Variants in SNX29 observed in about 807,000 individuals in gnomAD.
SNX29 encodes sorting nexin-29.
A neutral mutation model predicts 102.1 loss-of-function variants in SNX29; 78 were observed. That is an observed-to-expected ratio of 0.76 (90% CI 0.64 to 0.92). The LOEUF (loss-of-function observed/expected upper bound fraction) is 0.92. SNX29 is among the 40% of genes least tolerant of loss of function. The pLI, the probability that SNX29 is intolerant of heterozygous loss-of-function variation, is 0.00. For missense variants in SNX29, 1,280 were observed against 1,061.7 expected, an observed-to-expected ratio of 1.21 and a Z score of -2.86; for synonymous variants, 580 against 414.5, an observed-to-expected ratio of 1.40 and a Z score of -4.85.
intron 20 of SNX29, among the ~76,000 whole-genome samples, chr16:12,552,658 G>T (rs1413630839): frequency 1.3e-5 from 2 of 152,232 alleles, no homozygotes; most frequent in Non-Finnish European, 2.9e-5. Context: ...TGCAATGGGA[G>T]ACCCAGGCCA....
intron 14 of SNX29, among the ~76,000 whole-genome samples, chr16:12,259,727 CCTCGT>C (rs2078677476): frequency 6.6e-6 from 1 of 152,192 alleles, no homozygotes; most frequent in Admixed American, 6.5e-5. Flanking sequence ...GATTCCTGGC[CCTCGT>C]CTCCGATCCA....
intron 16 of SNX29, among the ~76,000 whole-genome samples, chr16:12,381,744 C>T (rs1339612569): frequency 1.1e-5 from 1 of 90,636 alleles, no homozygotes; most frequent in African/African-American, 4.8e-5. Context: ...CAACCCACCC[C>T]ACCCATCATC....
intron 2 of SNX29, among the ~76,000 whole-genome samples, chr16:12,001,742 G>A (rs2151021102): frequency 6.6e-6 from 1 of 152,254 alleles, no homozygotes; most frequent in Middle Eastern, 3.4e-3. Flanking sequence ...AGTAGGCCAG[G>A]CACGGTGGCT....
intron 20 of SNX29, among the ~76,000 whole-genome samples, chr16:12,529,701 T>C (rs141149379): frequency 5.2e-4 from 79 of 152,132 alleles, no homozygotes; most frequent in African/African-American, 1.8e-3. Context: ...TGCTGCATTC[T>C]CTCTTAGGGT....
At chr16:12,153,327 A>G (rs1035888932) in intron 13 of SNX29, among the ~76,000 whole-genome samples, 2 of 151,942 alleles carry the variant, frequency 1.3e-5, no homozygotes, top group African/African-American at 2.4e-5. Flanking sequence ...CTTCCAAAAT[A>G]TCGTCTAATT....
At chr16:12,023,865 G>A (rs1258407573) in intron 3 of SNX29, among the ~76,000 whole-genome samples, 1 of 152,120 alleles carries the variant, frequency 6.6e-6, no homozygotes, top group Non-Finnish European at 1.5e-5. Context: ...TCAAATGACC[G>A]TTTATACGAA....
chr16:12,368,349 C>T (rs1597102734), intron 16 of SNX29, among the ~76,000 whole-genome samples: 1 of 152,214 alleles, frequency 6.6e-6, no homozygotes, highest in Non-Finnish European at 1.5e-5. Flanking sequence ...AAATAGAAAG[C>T]ATTGGCAAGG....
intron 20 of SNX29, among the ~76,000 whole-genome samples, chr16:12,561,619 C>T (rs920283762): frequency 6.6e-6 from 1 of 152,142 alleles, no homozygotes; most frequent in Non-Finnish European, 1.5e-5. Context: ...CGCAGTGTAC[C>T]CCAAGAGGCT....
intron 13 of SNX29, among the ~76,000 whole-genome samples, chr16:12,189,188 CAA>C (rs1402185073): frequency 6.6e-6 from 1 of 152,194 alleles, no homozygotes; most frequent in East Asian, 1.9e-4. Flanking sequence ...TTTGTAATAA[CAA>C]TATAACAATC....
intron 11 of SNX29, among the ~76,000 whole-genome samples, chr16:12,114,890 C>T (rs973279315): frequency 1.3e-5 from 2 of 152,168 alleles, no homozygotes; most frequent in Non-Finnish European, 2.9e-5. Flanking sequence ...GGGTTTGATT[C>T]TAAACACCTG....
chr16:12,491,464 CCAA>C (rs1411668645), intron 19 of SNX29, among the ~76,000 whole-genome samples: 3 of 152,040 alleles, frequency 2.0e-5, no homozygotes, highest in Non-Finnish European at 2.9e-5. Flanking sequence ...TTATATTTCA[CCAA>C]CACAATGGGT....
intron 14 of SNX29, among the ~76,000 whole-genome samples, chr16:12,228,668 G>C (rs150886017): frequency 1.3e-5 from 2 of 152,196 alleles, no homozygotes; most frequent in South Asian, 2.1e-4. Context: ...TGTCTGGTGC[G>C]CAGCTCCCCA....
intron 14 of SNX29, among the ~76,000 whole-genome samples, chr16:12,223,146 A>G (rs1440945461): frequency 2.0e-5 from 3 of 152,206 alleles, no homozygotes; most frequent in Non-Finnish European, 4.4e-5. Context: ...GGTGAACCCC[A>G]ATGCTACCAC....
At position 12,283,212 on chromosome 16, in the gene SNX29, G is replaced by A. The variant is rs2079489411; in HGVS notation, c.1782+5176G>A. Among the ~76,000 whole-genome samples, 5 of 152,210 alleles carry A rather than the reference G, an allele frequency of 3.3e-5. No individual in the cohort carries two copies. In the South Asian group the frequency reaches 1.0e-3, roughly 32 times the overall value. ...TCCCTTTGTGGCTTTTCTTACCCTG[G>A]GAGCAGCAGTGTTGATGGTTGTAGG... On this transcript the variant is annotated intron_variant, in intron 15 of 20. Coordinates refer to ENST00000566228, the MANE Select transcript of SNX29 (RefSeq NM_032167.5).
At chr16:12,076,952 G>C (rs1216362145) in intron 10 of SNX29, among the ~76,000 whole-genome samples, 1 of 152,166 alleles carries the variant, frequency 6.6e-6, no homozygotes, top group Non-Finnish European at 1.5e-5. Flanking sequence ...GACCCTTCCA[G>C]GGGGTGGAGT....
chr16:12,520,940 T>C (rs1226831905), intron 19 of SNX29, among the ~76,000 whole-genome samples: 1 of 152,180 alleles, frequency 6.6e-6, no homozygotes, highest in African/African-American at 2.4e-5. Flanking sequence ...AGCTCATGCC[T>C]GTAATCCCAG....
chr16:12,539,958 T>G (rs112843312), intron 20 of SNX29, among the ~76,000 whole-genome samples: 2 of 152,244 alleles, frequency 1.3e-5, no homozygotes, highest in Non-Finnish European at 2.9e-5. Flanking sequence ...TTGTCGAACA[T>G]GTGAGTTGCA....
chr16:12,159,733 G>T (rs1222293260), intron 13 of SNX29, among the ~76,000 whole-genome samples: 1 of 152,162 alleles, frequency 6.6e-6, no homozygotes. Flanking sequence ...AATATAAAAA[G>T]GAAAGGAAAT....
chr16:12,173,091 A>G (rs1231844768), intron 13 of SNX29, among the ~76,000 whole-genome samples: 1 of 152,236 alleles, frequency 6.6e-6, no homozygotes, highest in Non-Finnish European at 1.5e-5. Flanking sequence ...AAAATGTTCC[A>G]CATTGCTCTG....
Sources: allele counts gnomAD v4.1 joint callset (sites outside exome capture counted in the v4.1 genomes callset), GRCh38; gene constraint gnomAD v4.1.1; transcripts MANE v1.5; gene names NCBI Gene and HGNC (gene_info 2026-07-23, HGNC 2026-07-21).